The following SWT1 variants were observed in gnomAD, a reference collection of about 807,000 sequenced individuals.
SWT1 encodes the protein transcriptional protein SWT1.
In SWT1, 33 loss-of-function variants were observed where a neutral mutation model predicts 107.3. That is an observed-to-expected ratio of 0.31 (90% CI 0.23 to 0.41). SWT1 has a LOEUF of 0.41. Ranked by LOEUF, SWT1 falls within the 10% of genes least tolerant of loss-of-function variation. The pLI is 1.00. For missense variants in SWT1, 898 were observed against 1,028.9 expected (o/e 0.87, Z 1.74); for synonymous variants, 345 against 348.3 (o/e 0.99, Z 0.11).
At chr1:185,275,186 C>T (rs1186979443) in intron 17 of SWT1, among the ~76,000 whole-genome samples, 1 of 151,940 alleles carries the variant, frequency 6.6e-6, no homozygotes, top group East Asian at 1.9e-4. Context: ...GGATCATTCG[C>T]TTCATCCTCT....
intron 18 of SWT1, among the ~76,000 whole-genome samples, chr1:185,289,584 A>G (rs759576211): frequency 2.6e-5 from 4 of 152,364 alleles, no homozygotes; most frequent in South Asian, 4.1e-4. Context: ...ACCATTTACA[A>G]TAGCCAAGAT....
chr1:185,264,569 A>G (rs1663245126), intron 16 of SWT1: 2 of 484,708 alleles, frequency 4.1e-6, no homozygotes, highest in South Asian at 1.8e-4. Context: ...AATCATCTTA[A>G]TATGCCTGTG....
Position 185,231,683 on chromosome 1 carries a change from A to C in SWT1, c.2416A>C (p.Arg806=). The change falls in exon 16 of 19, where the codon AGG becomes CGG. Residue 806 remains arginine (R), a synonymous_variant. Transcript: ENST00000367500. The stretch of plus-strand genomic sequence containing the variant: ...TCTTCAAAAGTTAATGGCAGCTGTG[A>C]GGGATATTCTTGAAGGAATTCAAAG... ...ICLQKLMAAV[R]DILEGIQRIL... is the part of the protein sequence containing the mutation. The C allele has an allele frequency of 6.2e-7, 1 of 1,606,468 alleles. No homozygotes were observed. Among genetic ancestry groups the C allele is most frequent in the Admixed American group, 1.7e-5 (1 of 59,902 alleles).
chr1:185,206,516 A>G (rs1658348123), intron 12 of SWT1, 109 bp from the exon 13 acceptor site: 2 of 561,626 alleles, frequency 3.6e-6, no homozygotes, highest in Non-Finnish European at 5.7e-6. Flanking sequence ...AAAAGAATCC[A>G]ACTAATTATA....
intron 13 of SWT1, among the ~76,000 whole-genome samples, chr1:185,214,196 T>A (rs998859953): frequency 6.6e-6 from 1 of 152,160 alleles, no homozygotes; most frequent in Non-Finnish European, 1.5e-5. Context: ...GTTTGACTTG[T>A]TTCTTTGGTG....
chr1:185,157,213 C>G lies in SWT1; in HGVS notation c.-111C>G, dbSNP rs1188830383. 6.3e-6 allele frequency: 1 copy of G among 157,678 alleles called. No individual in the cohort carries two copies. Among genetic ancestry groups the G allele is most frequent in the African/African-American group, 2.4e-5 (1 of 41,492 alleles). 9.8% of individuals were successfully genotyped at this position (157,678 alleles called of 1,614,324 possible). A position where few individuals can be genotyped will look rare whatever the true frequency, so the allele number is the denominator to read the frequency against. On this transcript the variant is annotated 5_prime_UTR_variant, in exon 1 of 19. Coordinates refer to ENST00000367500, the MANE Select transcript of SWT1 (RefSeq NM_017673.7). ...GCGCAGAACTACGTTTCCCAGCAGG[C>G]ATACAGTTGGTGGGGCGGGGTGTGT...
At chr1:185,191,957 C>CT (rs1428539972) in intron 10 of SWT1, among the ~76,000 whole-genome samples, 10 of 152,026 alleles carry the variant, frequency 6.6e-5, no homozygotes, top group Admixed American at 6.6e-4. Flanking sequence ...TTTTCTCTCT[C>CT]TCTTTTTTTG....
intron 3 of SWT1, among the ~76,000 whole-genome samples, chr1:185,167,729 G>T (rs1367676340): frequency 8.6e-5 from 13 of 152,002 alleles, no homozygotes; most frequent in Non-Finnish European, 1.5e-5. Context: ...CGCTAGGCTG[G>T]TTTATTTTCT....
chr1:185,214,413 T>G, intron 13 of SWT1, 94 bp from the exon 14 acceptor site: 1 of 993,076 alleles, frequency 1.0e-6, no homozygotes, highest in Non-Finnish European at 1.5e-6. Context: ...GTATACTCTT[T>G]TTAAATTTCA....
chr1:185,233,716 C>T (rs769897456), intron 16 of SWT1, among the ~76,000 whole-genome samples: 1 of 152,060 alleles, frequency 6.6e-6, no homozygotes, highest in Non-Finnish European at 1.5e-5. Context: ...GAGTGTTTTA[C>T]TTCGAATTAT....
chr1:185,169,960 T>C (rs1310448448), intron 4 of SWT1, among the ~76,000 whole-genome samples: 1 of 152,124 alleles, frequency 6.6e-6, no homozygotes, highest in Non-Finnish European at 1.5e-5. Context: ...CTGCCTTCTC[T>C]GAAGGCAGAG....
At chr1:185,276,213 A>G (rs987724498) in intron 17 of SWT1, among the ~76,000 whole-genome samples, 2 of 152,170 alleles carry the variant, frequency 1.3e-5, no homozygotes, top group African/African-American at 2.4e-5. Flanking sequence ...ACTTAAACCT[A>G]TTAGTTTAAA....
intron 13 of SWT1, among the ~76,000 whole-genome samples, chr1:185,214,121 A>G (rs1558045797): frequency 6.6e-6 from 1 of 152,166 alleles, no homozygotes; most frequent in Non-Finnish European, 1.5e-5. Flanking sequence ...TTACCAGTGT[A>G]GTCTCACTCT....
intron 1 of SWT1, among the ~76,000 whole-genome samples, chr1:185,158,535 T>C (rs1653853406): frequency 6.6e-6 from 1 of 151,218 alleles, no homozygotes; most frequent in Non-Finnish European, 1.5e-5. Context: ...CTGTCGTTCA[T>C]GATGATTTTT....
chr1:185,237,778 T>A (rs1401985190), intron 16 of SWT1, among the ~76,000 whole-genome samples: 1 of 152,114 alleles, frequency 6.6e-6, no homozygotes, highest in African/African-American at 2.4e-5. Context: ...TGGGACCTGG[T>A]CAGACATTTC....
intron 15 of SWT1, among the ~76,000 whole-genome samples, chr1:185,223,209 C>T (rs774352789): frequency 7.2e-5 from 11 of 152,098 alleles, no homozygotes; most frequent in Non-Finnish European, 1.6e-4. Flanking sequence ...TCATTGCCAA[C>T]ACTTGTTTTT....
chr1:185,288,749 C>T (rs1665087191), intron 18 of SWT1, among the ~76,000 whole-genome samples: 1 of 151,984 alleles, frequency 6.6e-6, no homozygotes, highest in South Asian at 2.1e-4. Context: ...GACCATCTCC[C>T]AGTAGATTAA....
intron 5 of SWT1, among the ~76,000 whole-genome samples, chr1:185,177,341 G>A (rs994800123): frequency 7.9e-5 from 12 of 152,198 alleles, no homozygotes; most frequent in South Asian, 2.1e-4. Flanking sequence ...GCAGGGCGTC[G>A]TATGGTTTCT....
intron 15 of SWT1, among the ~76,000 whole-genome samples, chr1:185,228,180 T>TATATAC (rs1660229920): frequency 1.4e-5 from 2 of 140,650 alleles, no homozygotes; most frequent in Non-Finnish European, 3.0e-5. Flanking sequence ...TATATATATA[T>TATATAC]ATATATATAC....
Sources: allele counts gnomAD v4.1 joint callset (sites outside exome capture counted in the v4.1 genomes callset), GRCh38; gene constraint gnomAD v4.1.1; transcripts MANE v1.5; gene names NCBI Gene and HGNC (gene_info 2026-07-23, HGNC 2026-07-21).